EYS: variants seen among roughly 807,000 people sequenced by gnomAD.
EYS encodes protein eyes shut homolog.
In EYS, 250 loss-of-function variants were observed where a neutral mutation model predicts 282.1. That is an observed-to-expected ratio of 0.89 (90% CI 0.80 to 0.98). EYS has a LOEUF of 0.98. Among genes scored for constraint, EYS ranks in the 50% least tolerant of loss-of-function variants. EYS has a pLI of 0.00. For missense variants in EYS, 4,016 were observed against 3,709.0 expected (o/e 1.08, Z -2.15); for synonymous variants, 1,355 against 1,282.9 (o/e 1.06, Z -1.20).
intron 31 of EYS, among the ~76,000 whole-genome samples, chr6:64,118,680 C>A (rs1174766910): frequency 6.6e-6 from 1 of 151,954 alleles, no homozygotes; most frequent in East Asian, 1.9e-4. Flanking sequence ...CAAAAATAGA[C>A]AAATAGGATT....
At chr6:64,135,282 A>G (rs1774122457) in intron 31 of EYS, among the ~76,000 whole-genome samples, 1 of 152,072 alleles carries the variant, frequency 6.6e-6, no homozygotes, top group East Asian at 1.9e-4. Flanking sequence ...GAGATCCTCA[A>G]GAAATTCAGA....
intron 28 of EYS, among the ~76,000 whole-genome samples, chr6:64,430,215 T>C (rs543685134): frequency 1.3e-5 from 2 of 152,334 alleles, no homozygotes; most frequent in East Asian, 1.9e-4. Flanking sequence ...AATTTGTGGT[T>C]TCTTTCAGAC....
chr6:65,544,518 G>A (rs1768311080), intron 2 of EYS, among the ~76,000 whole-genome samples: 1 of 151,914 alleles, frequency 6.6e-6, no homozygotes, highest in Non-Finnish European at 1.5e-5. Context: ...CCCCCCTTTT[G>A]CTCTGCACTT....
At chr6:64,450,371 A>G (rs1385954618) in intron 26 of EYS, among the ~76,000 whole-genome samples, 1 of 152,198 alleles carries the variant, frequency 6.6e-6, no homozygotes, top group Non-Finnish European at 1.5e-5. Context: ...GTCCTTAGTT[A>G]CCTACAAAGA....
intron 28 of EYS, among the ~76,000 whole-genome samples, chr6:64,397,307 G>A (rs1438941429): frequency 1.3e-5 from 2 of 151,918 alleles, no homozygotes; most frequent in Non-Finnish European, 2.9e-5. Flanking sequence ...TACTGCTCTG[G>A]TAAGATTTTA....
At chr6:63,932,883 C>T (rs2149752344) in intron 35 of EYS, among the ~76,000 whole-genome samples, 1 of 152,364 alleles carries the variant, frequency 6.6e-6, no homozygotes, top group South Asian at 2.1e-4. Flanking sequence ...CTCCCCACTT[C>T]AGATGCCAGT....
chr6:64,007,755 A>T (rs1238293892), intron 33 of EYS, among the ~76,000 whole-genome samples: 1 of 152,200 alleles, frequency 6.6e-6, no homozygotes, highest in African/African-American at 2.4e-5. Context: ...CCCAAAAGTC[A>T]TTCAGGATCA....
chr6:64,969,148 T>C (rs1185982733), intron 14 of EYS, among the ~76,000 whole-genome samples: 1 of 151,658 alleles, frequency 6.6e-6, no homozygotes, highest in African/African-American at 2.4e-5. Context: ...CTTAAAAGAG[T>C]TGGAGACCGG....
At chr6:65,328,099 T>C (rs1239609509) in intron 11 of EYS, among the ~76,000 whole-genome samples, 1 of 151,456 alleles carries the variant, frequency 6.6e-6, no homozygotes, top group Non-Finnish European at 1.5e-5. Flanking sequence ...CTTTTAGAAA[T>C]TGTGCAATCT....
At chr6:64,523,401 C>T (rs1777818961) in intron 26 of EYS, among the ~76,000 whole-genome samples, 1 of 151,710 alleles carries the variant, frequency 6.6e-6, no homozygotes, top group Admixed American at 6.6e-5. Context: ...AAATAACTAT[C>T]CATAAAGCCA....
chr6:64,603,720 T>C (rs774073807), intron 24 of EYS, among the ~76,000 whole-genome samples: 1 of 152,020 alleles, frequency 6.6e-6, no homozygotes, highest in African/African-American at 2.4e-5. Flanking sequence ...GGTGAGTCAG[T>C]GGTCAGATCT....
At chr6:64,608,563 T>G (rs181638892) in intron 24 of EYS, among the ~76,000 whole-genome samples, 3 of 152,182 alleles carry the variant, frequency 2.0e-5, no homozygotes, top group African/African-American at 4.8e-5. Context: ...TGTGCCTCGA[T>G]GTATAGCAAA....
At chr6:64,853,415 T>G (rs1765949232) in intron 19 of EYS, among the ~76,000 whole-genome samples, 1 of 152,154 alleles carries the variant, frequency 6.6e-6, no homozygotes, top group South Asian at 2.1e-4. Context: ...CCATGCAGAA[T>G]ACCAGGTTTC....
chr6:64,714,496 G>T (rs1411190519), intron 22 of EYS, among the ~76,000 whole-genome samples: 2 of 148,462 alleles, frequency 1.3e-5, no homozygotes, highest in African/African-American at 2.5e-5. Flanking sequence ...TGACTTATTT[G>T]AAACACATTT....
At chr6:63,977,547 C>T (rs898664561) in intron 35 of EYS, among the ~76,000 whole-genome samples, 2 of 151,906 alleles carry the variant, frequency 1.3e-5, no homozygotes, top group Non-Finnish European at 2.9e-5. Context: ...TCATTAGCTT[C>T]GAGGTAAGCC....
intron 29 of EYS, among the ~76,000 whole-genome samples, chr6:64,362,360 C>T (rs1050117039): frequency 6.6e-6 from 1 of 151,690 alleles, no homozygotes; most frequent in Admixed American, 6.6e-5. Context: ...TTTCCACAGG[C>T]ATAATAGTTA....
At chr6:64,093,237 G>T (rs1772440189) in intron 31 of EYS, among the ~76,000 whole-genome samples, 1 of 151,924 alleles carries the variant, frequency 6.6e-6, no homozygotes, top group Non-Finnish European at 1.5e-5. Flanking sequence ...GACAATGTGG[G>T]CTCTTTTTTG....
chr6:64,064,217 C>T (rs983271517), intron 33 of EYS, among the ~76,000 whole-genome samples: 1 of 152,096 alleles, frequency 6.6e-6, no homozygotes. Flanking sequence ...ACCATATACA[C>T]ATAAGAATTA....
At chr6:63,759,059 A>T (rs1408373197) in intron 41 of EYS, among the ~76,000 whole-genome samples, 1 of 152,118 alleles carries the variant, frequency 6.6e-6, no homozygotes, top group Non-Finnish European at 1.5e-5. Context: ...CTAAAAATTC[A>T]ATGTATGTAT....
Sources: gnomAD v4.1 joint callset for allele counts (sites outside exome capture counted in the v4.1 genomes callset) on GRCh38, gnomAD v4.1.1 for gene constraint, MANE v1.5 for transcripts, NCBI Gene and HGNC (gene_info 2026-07-23, HGNC 2026-07-21) for gene names.